The following SGK3 variants were observed in gnomAD, a reference collection of about 807,000 sequenced individuals.
SGK3 encodes the protein serine/threonine-protein kinase Sgk3.
SGK3 carries 47 observed loss-of-function variants against 68.5 expected under a neutral mutation model. The ratio of observed to expected loss-of-function variants is 0.69; its 90% CI spans 0.54 to 0.87. The LOEUF (loss-of-function observed/expected upper bound fraction) is 0.87. SGK3 is among the 40% of genes least tolerant of loss of function. The probability of loss-of-function intolerance (pLI) is 0.00; values close to 1 mark genes in which losing one functional copy is unlikely to be tolerated. For missense variants in SGK3, 479 were observed against 575.5 expected (o/e 0.83, Z 1.72); for synonymous variants, 181 against 189.1 (o/e 0.96, Z 0.35).
chr8:66,762,104 T>C (rs113740263), intron 1 of SGK3, among the ~76,000 whole-genome samples: 19,730 of 152,100 alleles, frequency 0.13, 2,422 homozygotes, highest in African/African-American at 0.32. Context: ...CTGCAACCTC[T>C]GCCACAGGCG....
At chr8:66,716,809 A>G (rs1220454463) in intron 1 of SGK3, among the ~76,000 whole-genome samples, 1 of 152,176 alleles carries the variant, frequency 6.6e-6, no homozygotes, top group African/African-American at 2.4e-5. Context: ...ATGATGTGAT[A>G]TTGGTGGGCA....
chr8:66,850,112 T>C (rs1353642184), intron 15 of SGK3, among the ~76,000 whole-genome samples: 1 of 152,222 alleles, frequency 6.6e-6, no homozygotes, highest in Non-Finnish European at 1.5e-5. Flanking sequence ...TATTGGACTC[T>C]CATTTTCTTG....
chr8:66,769,722 T>C (rs1332165409), intron 1 of SGK3, among the ~76,000 whole-genome samples: 1 of 152,078 alleles, frequency 6.6e-6, no homozygotes, highest in Non-Finnish European at 1.5e-5. Context: ...TTTGAGTATA[T>C]TACTATTGTT....
Position 66,834,464 on chromosome 8 carries a change from G to GGTTTTGTTTT in SGK3, c.526-1273_526-1264dup, listed in dbSNP as rs147634357. Reference sequence around the variant, plus strand: ...AAGAGAGGCTTTAGGCTACTGGCAGGGTTTTGTTTTGTTTTGTTTTGTTTT... The same window carrying GGTTTTGTTTT: ...AAGAGAGGCTTTAGGCTACTGGCAGGGTTTTGTTTTGTTTTGTTTTGTTTTGTTTTGTTTT... On this transcript the variant is annotated intron_variant, in intron 8 of 16. Transcript: ENST00000521198. Among the ~76,000 whole-genome samples the GGTTTTGTTTT allele has an allele frequency of 4.2e-3, 630 of 151,308 alleles. 6 individuals carry two copies. Among genetic ancestry groups the GGTTTTGTTTT allele is most frequent in the African/African-American group, 0.014 (575 of 40,806 alleles).
chr8:66,818,836 T>C (rs1352760143), intron 5 of SGK3, among the ~76,000 whole-genome samples: 1 of 152,254 alleles, frequency 6.6e-6, no homozygotes, highest in African/African-American at 2.4e-5. Flanking sequence ...ATACTAATAT[T>C]TCTATTTTCT....
At chr8:66,859,349 T>G (rs1810667744) in intron 16 of SGK3, 62 bp from the exon 17 acceptor site, 7 of 1,445,484 alleles carry the variant, frequency 4.8e-6, no homozygotes, top group Non-Finnish European at 6.4e-6. Flanking sequence ...AATAAATAAA[T>G]AAAGGATTAA....
At position 66,793,655 on chromosome 8, in the gene SGK3, G is replaced by A; in HGVS notation, c.-82G>A. 7.8e-7 allele frequency: 1 copy of A among 1,283,096 alleles called. No homozygotes were observed. The highest frequency in any genetic ancestry group is 1.1e-6 in the Non-Finnish European group (1 of 938,138). 79.5% of individuals were successfully genotyped at this position (1,283,096 alleles called of 1,614,324 possible). A position where few individuals can be genotyped will look rare whatever the true frequency, so the allele number is the denominator to read the frequency against. ...TTTGAACATTACTTCAAGAGGTTTTGTATTTTGGATTAGTTAATTGGGTTT... is the reference window on the plus strand; with the variant it reads ...TTTGAACATTACTTCAAGAGGTTTTATATTTTGGATTAGTTAATTGGGTTT... On this transcript the variant is annotated 5_prime_UTR_variant, in exon 2 of 17. Transcript: ENST00000521198.
chr8:66,763,716 A>G (rs551472877), intron 1 of SGK3, among the ~76,000 whole-genome samples: 2 of 152,102 alleles, frequency 1.3e-5, no homozygotes, highest in Non-Finnish European at 1.5e-5. Context: ...ACATATATTC[A>G]TACTGATACT....
At chr8:66,819,089 T>G (rs1235706253) in intron 5 of SGK3, among the ~76,000 whole-genome samples, 1 of 152,250 alleles carries the variant, frequency 6.6e-6, no homozygotes, top group African/African-American at 2.4e-5. Context: ...GCCATTCTGG[T>G]GAGTGGGTAA....
Position 66,861,565 on chromosome 8 carries a change from A to G in SGK3, c.*1984A>G, listed in dbSNP as rs887539051. ...TAAGTTATGGAGGAAACATTTTTGTAAAAGTTTAATGACCCACTTTAGATG... is the reference window on the plus strand; with the variant it reads ...TAAGTTATGGAGGAAACATTTTTGTGAAAGTTTAATGACCCACTTTAGATG... On this transcript the variant is annotated 3_prime_UTR_variant, in exon 17 of 17. Transcript: ENST00000521198. 2 of 152,236 alleles carry G rather than the reference A, an allele frequency of 1.3e-5. No homozygotes were observed. Among genetic ancestry groups the G allele is most frequent in the Non-Finnish European group, 2.9e-5 (2 of 68,032 alleles). The allele number at this position is 152,236 out of a possible 1,614,324, so 9.4% of individuals were successfully genotyped here.
intron 1 of SGK3, among the ~76,000 whole-genome samples, chr8:66,748,014 A>G (rs1206581280): frequency 6.6e-6 from 1 of 152,092 alleles, no homozygotes; most frequent in African/African-American, 2.4e-5. Flanking sequence ...TTCACTTTCC[A>G]CATCTGTCCA....
chr8:66,846,918 G>A (rs1810047036), intron 14 of SGK3, among the ~76,000 whole-genome samples: 1 of 152,200 alleles, frequency 6.6e-6, no homozygotes, highest in Admixed American at 6.5e-5. Context: ...CTCTAAAACA[G>A]GTACTACTAC....
intron 3 of SGK3, among the ~76,000 whole-genome samples, 199 bp from the exon 4 acceptor site, chr8:66,804,176 A>G (rs1808062409): frequency 6.6e-6 from 1 of 152,132 alleles, no homozygotes; most frequent in South Asian, 2.1e-4. Flanking sequence ...GATACTAGGT[A>G]TTTTATTGGG....
In SGK3 at chr8:66,859,611, A is replaced by G. The variant is rs773457103; in HGVS notation, c.*30A>G. 1 of 1,593,266 alleles carries G rather than the reference A, an allele frequency of 6.3e-7. No individual in the cohort carries two copies. Among genetic ancestry groups the G allele is most frequent in the South Asian group, 1.1e-5 (1 of 88,262 alleles). On this transcript the variant is annotated 3_prime_UTR_variant, in exon 17 of 17. Coordinates refer to ENST00000521198, the MANE Select transcript of SGK3 (RefSeq NM_001033578.3). ...TTTGCCATTCAGAAACCATTGAGCAAAATAAGTCTATAGATGGGACTGAAA... is the reference window on the plus strand; with the variant it reads ...TTTGCCATTCAGAAACCATTGAGCAGAATAAGTCTATAGATGGGACTGAAA...
Position 66,843,493 on chromosome 8 carries a change from T to C in SGK3, c.1020T>C (p.Asn340=). ...TAATTAGAAAACAGCCCTATGACAA[T>C]ACTGTAGATTGGTGGTGCCTTGGGG... ...PEVIRKQPYD[N]TVDWWCLGAV... The change falls in exon 14 of 17, where the codon AAT becomes AAC. Residue 340 remains asparagine (N), a synonymous_variant. Transcript: ENST00000521198. 6.2e-7 allele frequency: 1 copy of C among 1,613,960 alleles called. No individual in the cohort carries two copies. The highest frequency in any genetic ancestry group is 1.1e-5 in the South Asian group (1 of 91,070).
chr8:66,853,409 CTT>C (rs1198785063), intron 16 of SGK3, among the ~76,000 whole-genome samples: 1 of 152,088 alleles, frequency 6.6e-6, no homozygotes, highest in Non-Finnish European at 1.5e-5. Flanking sequence ...CAGAAATAGT[CTT>C]TGATGCTTAC....
At chr8:66,739,110 T>C (rs1176793686) in intron 1 of SGK3, among the ~76,000 whole-genome samples, 1 of 152,192 alleles carries the variant, frequency 6.6e-6, no homozygotes, top group African/African-American at 2.4e-5. Flanking sequence ...TGAGGCTGGG[T>C]AATTTATAAA....
At chr8:66,839,920 A>G in intron 10 of SGK3, 83 bp from the exon 11 acceptor site, 1 of 1,279,632 alleles carries the variant, frequency 7.8e-7, no homozygotes, top group East Asian at 2.4e-5. Context: ...CTACCTTTGT[A>G]TTTACCGAAT....
intron 15 of SGK3, among the ~76,000 whole-genome samples, chr8:66,848,596 T>G (rs1810133880): frequency 6.6e-6 from 1 of 152,236 alleles, no homozygotes; most frequent in South Asian, 2.1e-4. Flanking sequence ...CGTATTGTAG[T>G]GGAAAAGGTC....
Sources: allele counts gnomAD v4.1 joint callset (sites outside exome capture counted in the v4.1 genomes callset), GRCh38; gene constraint gnomAD v4.1.1; transcripts MANE v1.5; gene names NCBI Gene and HGNC (gene_info 2026-07-23, HGNC 2026-07-21).